Variants in MGA observed in about 807,000 individuals in gnomAD.
MGA encodes the protein MAX dimerization protein MGA, also known as MAX gene-associated protein.
MGA carries 40 observed loss-of-function variants against 261.1 expected under a neutral mutation model. The observed-to-expected ratio is 0.15, with a 90% CI of 0.12 to 0.20. The LOEUF (loss-of-function observed/expected upper bound fraction) is 0.20. Among genes scored for constraint, MGA ranks in the 10% least tolerant of loss-of-function variants. MGA has a pLI of 1.00. For synonymous variants in MGA, 1,302 were observed against 1,290.6 expected, an observed-to-expected ratio of 1.01 and a Z score of -0.19; for missense variants, 3,397 against 3,630.5, an observed-to-expected ratio of 0.94 and a Z score of 1.65.
At chr15:41,702,794 G>A (rs1416243697) in intron 5 of MGA, among the ~76,000 whole-genome samples, 2 of 152,156 alleles carry the variant, frequency 1.3e-5, no homozygotes, top group Non-Finnish European at 2.9e-5. Context: ...ATTATCGTCT[G>A]TCTTTGCATT....
intron 17 of MGA, chr15:41,752,200 T>A (rs756403837): frequency 3.9e-5 from 6 of 152,076 alleles, no homozygotes; most frequent in Admixed American, 6.6e-5. Flanking sequence ...CCCAGCTAAT[T>A]TTTGTATTTA....
intron 1 of MGA, among the ~76,000 whole-genome samples, chr15:41,664,023 C>T (rs1193438345): frequency 6.6e-6 from 1 of 152,184 alleles, no homozygotes; most frequent in Non-Finnish European, 1.5e-5. Flanking sequence ...ATTCCATGTT[C>T]TTAAACCAGT....
chr15:41,651,551 T>A (rs1481456357), intron 1 of MGA, among the ~76,000 whole-genome samples: 2 of 148,518 alleles, frequency 1.3e-5, no homozygotes, highest in East Asian at 4.1e-4. Flanking sequence ...TCCCTGTACA[T>A]CTTCCCCTTC....
chr15:41,748,641 T>C lies in MGA; in HGVS notation c.5217T>C (p.Asn1739=), dbSNP rs1333283594. The C allele has an allele frequency of 1.9e-6, 3 of 1,606,862 alleles. No individual in the cohort carries two copies. Among genetic ancestry groups the C allele is most frequent in the African/African-American group, 2.7e-5 (2 of 74,762 alleles). ...TTTCCATTTCCTGTTTTTCAGAAAA[T>C]GCTGCTCAAATTCCAGTGGCTACTC... Residue 1739 remains asparagine (N), a synonymous_variant, in exon 16 of 24, where the codon AAT becomes AAC. Transcript: ENST00000219905.
At position 41,652,032 on chromosome 15, in the gene MGA, G is replaced by A. The variant is rs1289000983; in HGVS notation, c.-67-16796G>A. Among the ~76,000 whole-genome samples, 30 of 109,140 alleles carry A rather than the reference G, an allele frequency of 2.7e-4. 1 individual carries two copies. Among genetic ancestry groups the A allele is most frequent in the African/African-American group, 1.1e-3 (29 of 27,342 alleles). The allele number at this position is 109,140 out of a possible 152,430, so 71.6% of individuals were successfully genotyped here. A position where few individuals can be genotyped will look rare whatever the true frequency, so the allele number is the denominator to read the frequency against. On this transcript the variant is annotated intron_variant, in intron 1 of 8. Coordinates refer to the MGA transcript ENST00000566718. ...CCCAGACTGGAGTGCAGTGTGCGAT[G>A]TTGGCTCACTGCAAGCTCCTCCTCT...
intron 5 of MGA, among the ~76,000 whole-genome samples, chr15:41,700,588 T>C (rs1302219677): frequency 6.6e-6 from 1 of 152,232 alleles, no homozygotes; most frequent in East Asian, 1.9e-4. Context: ...TTCTTTTTTA[T>C]GGCTGCAGTT....
intron 7 of MGA, among the ~76,000 whole-genome samples, chr15:41,708,676 C>G (rs142550058): frequency 1.4e-3 from 220 of 152,298 alleles, no homozygotes; most frequent in African/African-American, 5.0e-3. Context: ...GTCTGCTACC[C>G]ATTTTCCTGT....
intron 11 of MGA, among the ~76,000 whole-genome samples, chr15:41,731,029 T>TTC (rs2061483289): frequency 6.6e-6 from 1 of 152,216 alleles, no homozygotes; most frequent in African/African-American, 2.4e-5. Context: ...CCAACCAATT[T>TTC]TCTATCCTGC....
Position 41,708,125 on chromosome 15 carries a change from C to G in MGA, c.2342C>G (p.Ser781Cys). Residue 781 changes from serine (S) to cysteine (C), a missense_variant, in exon 7 of 24, where the codon TCT becomes TGT. Physicochemically the swap from Ser to Cys is moderately radical, Grantham distance 112. This residue lies in a region of MGA where 519 missense variants were observed against 554.1 expected (regional missense o/e 0.94). Transcript: ENST00000219905. Reference sequence around the variant, plus strand: ...ATAGATGCGGGATTTCCCTTTGTTTCTAGGACAGGGAAAACCAATGATTTC... The same window carrying G: ...ATAGATGCGGGATTTCCCTTTGTTTGTAGGACAGGGAAAACCAATGATTTC... The G allele has an allele frequency of 6.3e-7, 1 of 1,590,642 alleles. No individual in the cohort carries two copies. The highest frequency in any genetic ancestry group is 8.6e-7 in the Non-Finnish European group (1 of 1,168,066).
intron 18 of MGA, among the ~76,000 whole-genome samples, chr15:41,756,211 T>G (rs565391487): frequency 6.6e-6 from 1 of 152,084 alleles, no homozygotes; most frequent in Non-Finnish European, 1.5e-5. Flanking sequence ...ATAAAAAAAT[T>G]GTTACAAGTC....
intron 2 of MGA, among the ~76,000 whole-genome samples, chr15:41,692,983 C>G (rs1486119647): frequency 6.6e-6 from 1 of 152,108 alleles, no homozygotes. Flanking sequence ...TAGGCGTGAG[C>G]CACTGCGCCC....
chr15:41,660,863 C>T (rs543634342), intron 1 of MGA, among the ~76,000 whole-genome samples: 5 of 152,192 alleles, frequency 3.3e-5, no homozygotes. Flanking sequence ...TGTGGGGTGC[C>T]GCTCCGCGTG....
At chr15:41,677,276 C>G (rs2141141) in intron 2 of MGA, among the ~76,000 whole-genome samples, 114,866 of 152,120 alleles carry the variant, frequency 0.76, 44,592 homozygotes, top group East Asian at 0.89. Flanking sequence ...AGAGTAGCTG[C>G]GATTACAGGC....
chr15:41,639,583 C>T (rs1034575663), intron 1 of MGA, among the ~76,000 whole-genome samples: 5 of 151,356 alleles, frequency 3.3e-5, no homozygotes, highest in South Asian at 2.1e-4. Flanking sequence ...CTCGCTCTGT[C>T]GTCCAGGCTG....
At chr15:41,702,994 C>T (rs1282665042) in intron 5 of MGA, among the ~76,000 whole-genome samples, 1 of 152,118 alleles carries the variant, frequency 6.6e-6, no homozygotes, top group African/African-American at 2.4e-5. Context: ...CTATTAATAT[C>T]TAACATAAGA....
At chr15:41,688,139 G>A (rs992048908) in intron 2 of MGA, among the ~76,000 whole-genome samples, 22 of 152,098 alleles carry the variant, frequency 1.4e-4, no homozygotes, top group African/African-American at 4.6e-4. Flanking sequence ...GCAGTGGTGC[G>A]ATGTTGGCTC....
intron 5 of MGA, among the ~76,000 whole-genome samples, chr15:41,705,588 T>G (rs2060065194): frequency 6.6e-6 from 1 of 151,984 alleles, no homozygotes; most frequent in African/African-American, 2.4e-5. Context: ...TCTTGAACTT[T>G]CGGGCTCAAC....
chr15:41,707,882 G>T, intron 6 of MGA, 23 bp downstream of exon 6: 1 of 1,590,274 alleles, frequency 6.3e-7, no homozygotes, highest in African/African-American at 1.4e-5. Context: ...CATTTGTAAA[G>T]TCAAACACTA....
Position 41,668,819 on chromosome 15 carries a change from G to C in MGA, c.-67-9G>C. 1 of 1,116,070 alleles carries C rather than the reference G, an allele frequency of 9.0e-7. No individual in the cohort carries two copies. The highest frequency in any genetic ancestry group is 2.2e-4 in the Middle Eastern group (1 of 4,520). The allele number at this position is 1,116,070 out of a possible 1,614,324, so 69.1% of individuals were successfully genotyped here. On this transcript the variant is annotated splice_polypyrimidine_tract_variant and intron_variant, in intron 1 of 23. Coordinates refer to ENST00000219905, the MANE Select transcript of MGA (RefSeq NM_001164273.2). ...TTTTGTTTTTGGTTTTTTTTTGCTT[G>C]TTTCTTAGGATGGGAAGGCCATTGT...
Sources: allele counts gnomAD v4.1 joint callset (sites outside exome capture counted in the v4.1 genomes callset), GRCh38; gene constraint gnomAD v4.1.1; regional missense constraint gnomAD v4.1.1; transcripts MANE v1.5; gene names NCBI Gene and HGNC (gene_info 2026-07-23, HGNC 2026-07-21).